Variants in TRAK1 observed in about 807,000 individuals in gnomAD.
The protein encoded by TRAK1 is trafficking kinesin-binding protein 1.
In TRAK1, 33 loss-of-function variants were observed where a neutral mutation model predicts 92.1. The ratio of observed to expected loss-of-function variants is 0.36; its 90% CI spans 0.27 to 0.48. The LOEUF (loss-of-function observed/expected upper bound fraction) is 0.48, where lower values mean the gene tolerates loss of function less well. Among genes scored for constraint, TRAK1 ranks in the 20% least tolerant of loss-of-function variants. The pLI, the probability that TRAK1 is intolerant of heterozygous loss-of-function variation, is 0.99. For synonymous variants in TRAK1, 521 were observed against 517.3 expected (o/e 1.01, Z -0.10); for missense variants, 1,123 against 1,257.9 (o/e 0.89, Z 1.62).
Position 42,193,182 on chromosome 3 carries a change from G to T in TRAK1, c.877G>T (p.Asp293Tyr). 1.2e-6 allele frequency: 2 copies of T among 1,614,088 alleles called. No homozygotes were observed. The highest frequency in any genetic ancestry group is 1.1e-5 in the South Asian group (1 of 91,048). ...CACACACCTGCTATCGCAAATAGTT[G>T]ATTTGCAGAAAAAGGCAAAAGCTGT... is the stretch of plus-strand genomic sequence containing the variant. The part of the protein sequence containing the change: ...EITHLLSQIV[D>Y]LQKKAKACAV... Residue 293 changes from aspartate to tyrosine, a missense_variant, in exon 8 of 16, where the codon GAT (aspartate) becomes TAT (tyrosine). Around this residue, in one of 3 missense-constraint regions of TRAK1, gnomAD observed 686 missense variants for 747.6 expected, o/e 0.92. Coordinates refer to ENST00000327628, the MANE Select transcript of TRAK1 (RefSeq NM_001042646.3).
chr3:42,096,337 C>G (rs978879076), intron 1 of TRAK1, among the ~76,000 whole-genome samples: 1 of 152,214 alleles, frequency 6.6e-6, no homozygotes, highest in African/African-American at 2.4e-5. Flanking sequence ...ACTGCAACCT[C>G]TGCCTCCCGG....
At chr3:42,123,883 C>T (rs937921962) in intron 1 of TRAK1, among the ~76,000 whole-genome samples, 6 of 152,144 alleles carry the variant, frequency 3.9e-5, no homozygotes, top group African/African-American at 1.4e-4. Flanking sequence ...TTTCTCATGC[C>T]TGTAATCCCA....
At chr3:42,146,164 C>G (rs1699297872) in intron 2 of TRAK1, 1 of 360,526 alleles carries the variant, frequency 2.8e-6, no homozygotes, top group East Asian at 7.3e-5. Context: ...TTCATCTCAA[C>G]AAGGAGGAAA....
rs192413950 is a variant in TRAK1, at chr3:42,188,999, C to G, written c.582-17C>G. On this transcript the variant is annotated splice_polypyrimidine_tract_variant and intron_variant, in intron 5 of 15. Transcript: ENST00000327628. Reference sequence around the variant, plus strand: ...GAAATGCGTCTCCCTAGGTTGTGAGCGTACTTTCTCCCCCAGGTTGAAGAG... The same window carrying G: ...GAAATGCGTCTCCCTAGGTTGTGAGGGTACTTTCTCCCCCAGGTTGAAGAG... The G allele has an allele frequency of 1.9e-6, 3 of 1,577,260 alleles. No homozygotes were observed. The highest frequency in any genetic ancestry group is 2.6e-6 in the Non-Finnish European group (3 of 1,146,684).
At chr3:42,041,250 G>A (rs2148902037) in intron 1 of TRAK1, among the ~76,000 whole-genome samples, 1 of 151,748 alleles carries the variant, frequency 6.6e-6, no homozygotes, top group East Asian at 1.9e-4. Flanking sequence ...CCTGATCATG[G>A]GATGTTTTCC....
At chr3:42,048,547 T>G (rs1393261587) in intron 1 of TRAK1, among the ~76,000 whole-genome samples, 1 of 148,942 alleles carries the variant, frequency 6.7e-6, no homozygotes, top group Non-Finnish European at 1.5e-5. Context: ...CAGTTCTTTT[T>G]TTCCTCTACA....
intron 1 of TRAK1, among the ~76,000 whole-genome samples, chr3:42,062,517 C>A (rs55959222): frequency 6.6e-6 from 1 of 152,238 alleles, no homozygotes; most frequent in Non-Finnish European, 1.5e-5. Context: ...ATACTGCTAC[C>A]CCTCTGAAAA....
intron 14 of TRAK1, among the ~76,000 whole-genome samples, chr3:42,216,583 C>T (rs1395117046): frequency 6.6e-6 from 1 of 152,164 alleles, no homozygotes; most frequent in Non-Finnish European, 1.5e-5. Context: ...GTTTTAAGAA[C>T]AAAACATCTG....
At chr3:42,107,975 A>G (rs1253294902) in intron 1 of TRAK1, among the ~76,000 whole-genome samples, 3 of 151,720 alleles carry the variant, frequency 2.0e-5, no homozygotes, top group Admixed American at 6.6e-5. Context: ...AGCTCCAGCC[A>G]TCATGTCTGA....
chr3:42,122,147 A>G (rs968694812), intron 1 of TRAK1, among the ~76,000 whole-genome samples: 1 of 152,078 alleles, frequency 6.6e-6, no homozygotes, highest in Admixed American at 6.6e-5. Flanking sequence ...ATTTTTTCAT[A>G]GCCTTACCTT....
intron 2 of TRAK1, among the ~76,000 whole-genome samples, chr3:42,154,093 A>G (rs1022687335): frequency 6.6e-6 from 1 of 152,258 alleles, no homozygotes; most frequent in African/African-American, 2.4e-5. Flanking sequence ...ACTTGGCAAG[A>G]AAGCCAAAGC....
intron 1 of TRAK1, among the ~76,000 whole-genome samples, chr3:42,067,395 A>G (rs1559734198): frequency 6.6e-6 from 1 of 152,216 alleles, no homozygotes; most frequent in Non-Finnish European, 1.5e-5. Context: ...GTTTCTTCTC[A>G]CTCGATCCTA....
chr3:42,094,131 G>A (rs766799710), intron 1 of TRAK1, among the ~76,000 whole-genome samples: 2 of 152,200 alleles, frequency 1.3e-5, no homozygotes, highest in Admixed American at 6.5e-5. Context: ...CCAGGTATGG[G>A]CCTCGGCACC....
In TRAK1 at chr3:42,014,371, G is replaced by A. The variant is rs546512788; in HGVS notation, c.-519+254G>A. Among the ~76,000 whole-genome samples, 135 of 152,280 alleles carry A rather than the reference G, an allele frequency of 8.9e-4. 2 individuals are homozygous for A. The highest frequency in any genetic ancestry group is 3.2e-3 in the African/African-American group (131 of 41,576). ...ATTCCGCGCTCCGGCACTCCGAGGT[G>A]ACAGTGAGGCGACCTTCAAAGAGCC... On this transcript the variant is annotated intron_variant, in intron 1 of 16. Coordinates refer to the TRAK1 transcript ENST00000487159.
intron 4 of TRAK1, among the ~76,000 whole-genome samples, chr3:42,185,806 G>A (rs999122128): frequency 6.6e-6 from 1 of 151,294 alleles, no homozygotes; most frequent in Non-Finnish European, 1.5e-5. Flanking sequence ...CGAGTAGCTG[G>A]GATTACAGGT....
chr3:42,211,719 G>A (rs559558028), intron 14 of TRAK1: 24 of 985,316 alleles, frequency 2.4e-5, no homozygotes, highest in Non-Finnish European at 2.8e-5. Flanking sequence ...TACCTTGGAG[G>A]ATAGAGAGAG....
intron 2 of TRAK1, among the ~76,000 whole-genome samples, chr3:42,131,084 A>T (rs1484629737): frequency 6.6e-6 from 1 of 152,156 alleles, no homozygotes; most frequent in Admixed American, 6.5e-5. Flanking sequence ...TTTTTTACTC[A>T]TGCAGGGCTC....
At chr3:42,149,703 G>A in intron 2 of TRAK1, 1 of 1,442,678 alleles carries the variant, frequency 6.9e-7, no homozygotes, top group Non-Finnish European at 9.3e-7. Context: ...CGGCTGGCGG[G>A]TGGGAGGTAC....
intron 2 of TRAK1, among the ~76,000 whole-genome samples, chr3:42,134,155 C>T (rs958073858): frequency 1.3e-5 from 2 of 150,534 alleles, no homozygotes; most frequent in African/African-American, 2.4e-5. Flanking sequence ...TTCCTTCCTT[C>T]CTCCCCTTCC....
Sources: gnomAD v4.1 joint callset for allele counts (sites outside exome capture counted in the v4.1 genomes callset) on GRCh38, gnomAD v4.1.1 for gene constraint, gnomAD v4.1.1 regional missense constraint, MANE v1.5 for transcripts, NCBI Gene and HGNC (gene_info 2026-07-23, HGNC 2026-07-21) for gene names.